Variants in PCNX2 observed in about 807,000 individuals in gnomAD.
The protein encoded by PCNX2 is pecanex 2.
PCNX2 carries 168 observed loss-of-function variants against 223.8 expected under a neutral mutation model. The observed-to-expected ratio is 0.75, with a 90% CI of 0.66 to 0.85. The LOEUF (loss-of-function observed/expected upper bound fraction) is 0.85. PCNX2 is among the 40% of genes least tolerant of loss of function. The pLI is 0.00. For missense variants in PCNX2, 2,507 were observed against 2,675.5 expected (o/e 0.94, Z 1.39); for synonymous variants, 1,006 against 1,052.6 (o/e 0.96, Z 0.86).
chr1:233,033,405 G>C (rs1231403416), intron 25 of PCNX2, among the ~76,000 whole-genome samples: 1 of 152,184 alleles, frequency 6.6e-6, no homozygotes, highest in African/African-American at 2.4e-5. Context: ...TTTACTAAAA[G>C]TGATCCACAG....
At position 233,262,957 on chromosome 1, in the gene PCNX2, C is replaced by A; in HGVS notation, c.359+1G>T. On this transcript the variant is annotated splice_donor_variant, in intron 2 of 33. Coordinates refer to ENST00000258229, the MANE Select transcript of PCNX2 (RefSeq NM_014801.4). LOFTEE classifies it high-confidence loss of function. ...AGTGTCACATTAATTGAAAATATTA[C>A]CTTGGATTTCTGTGATTAGTTATGT... is the stretch of plus-strand genomic sequence containing the variant. 1.2e-6 allele frequency: 2 copies of A among 1,611,672 alleles called. No homozygotes were observed. Among genetic ancestry groups the A allele is most frequent in the Non-Finnish European group, 1.7e-6 (2 of 1,178,570 alleles).
At chr1:233,261,201 T>G in intron 4 of PCNX2, 84 bp downstream of exon 4, 2 of 1,247,226 alleles carry the variant, frequency 1.6e-6, no homozygotes, top group South Asian at 1.2e-5. Context: ...TTTCAATTAA[T>G]CCACTGGCAT....
the PCNX2 span, among the ~76,000 whole-genome samples, chr1:233,313,780 C>G: frequency 6.6e-6 from 1 of 151,918 alleles, no homozygotes; most frequent in Non-Finnish European, 1.5e-5. Flanking sequence ...ATTAAATGAC[C>G]CAAACATAGG....
intron 10 of PCNX2, among the ~76,000 whole-genome samples, chr1:233,220,285 T>C (rs923221318): frequency 6.6e-6 from 1 of 152,264 alleles, no homozygotes; most frequent in African/African-American, 2.4e-5. Flanking sequence ...TTTCAACTCA[T>C]TTGGGTAAAC....
At chr1:233,266,519 A>T (rs1222163943) in intron 1 of PCNX2, among the ~76,000 whole-genome samples, 6 of 152,168 alleles carry the variant, frequency 3.9e-5, no homozygotes, top group Admixed American at 3.9e-4. Flanking sequence ...GACTGCAGAC[A>T]TCATCATACT....
intron 17 of PCNX2, among the ~76,000 whole-genome samples, chr1:233,165,737 A>C (rs1201598742): frequency 6.6e-6 from 1 of 152,186 alleles, no homozygotes. Context: ...AAATGGGGAG[A>C]TATACTGCAT....
chr1:233,078,598 C>G (rs1673206302), intron 23 of PCNX2, among the ~76,000 whole-genome samples: 1 of 152,212 alleles, frequency 6.6e-6, no homozygotes, highest in Non-Finnish European at 1.5e-5. Context: ...ATCCATCTAC[C>G]TGAATCACTC....
intron 28 of PCNX2, among the ~76,000 whole-genome samples, chr1:233,009,629 G>A (rs1490181235): frequency 6.6e-6 from 1 of 152,180 alleles, no homozygotes; most frequent in African/African-American, 2.4e-5. Flanking sequence ...CTGATGACCA[G>A]GGTTGGGCTG....
chr1:233,281,765 G>T (rs1472710828), intron 1 of PCNX2, among the ~76,000 whole-genome samples: 2 of 152,170 alleles, frequency 1.3e-5, no homozygotes, highest in Admixed American at 6.5e-5. Context: ...ACCTTGTGGT[G>T]AGTCTACTGA....
rs1011250534 is a variant in PCNX2, at chr1:233,000,199, G to A, written c.5328+106C>T. 35 of 1,105,996 alleles carry A rather than the reference G, an allele frequency of 3.2e-5. No homozygotes were observed. The highest frequency in any genetic ancestry group is 4.7e-5 in the Non-Finnish European group (34 of 727,906). 68.5% of individuals were successfully genotyped at this position (1,105,996 alleles called of 1,614,324 possible). The stretch of plus-strand genomic sequence containing the variant: ...ACATCCCTCTGAACAGAGGATGCTG[G>A]CACAGAGACTCCTGTGTCAGTGCCC... On this transcript the variant is annotated intron_variant, in intron 30 of 33. Coordinates refer to ENST00000258229, the MANE Select transcript of PCNX2 (RefSeq NM_014801.4). This position sits in a 1 kb window ranked among gnomAD's most constrained non-coding sequence, Gnocchi z 4.6.
intron 32 of PCNX2, among the ~76,000 whole-genome samples, chr1:232,994,425 A>G (rs959723124): frequency 6.6e-6 from 1 of 152,246 alleles, no homozygotes; most frequent in Admixed American, 6.5e-5. Flanking sequence ...CATTTACCCA[A>G]TGCTTGTTCC....
At chr1:233,054,516 G>A (rs1347662715) in intron 24 of PCNX2, 33 bp from the exon 25 acceptor site, 2 of 1,536,616 alleles carry the variant, frequency 1.3e-6, no homozygotes, top group African/African-American at 2.7e-5. Flanking sequence ...ATCAGTGAAT[G>A]CCTACTCCTT....
chr1:233,227,385 A>G lies in PCNX2; in HGVS notation c.2359-14T>C. 1 of 1,607,848 alleles carries G rather than the reference A, an allele frequency of 6.2e-7. No individual in the cohort carries two copies. ...CTGACTCACATGCTTTTAGATACCAAAAGAAACAACAGAAAAAAGGGCTTT... is the reference window on the plus strand; with the variant it reads ...CTGACTCACATGCTTTTAGATACCAGAAGAAACAACAGAAAAAAGGGCTTT... On this transcript the variant is annotated splice_polypyrimidine_tract_variant and intron_variant, in intron 9 of 33. Coordinates refer to ENST00000258229, the MANE Select transcript of PCNX2 (RefSeq NM_014801.4).
At chr1:233,131,559 T>C (rs1676509605) in intron 21 of PCNX2, among the ~76,000 whole-genome samples, 1 of 152,196 alleles carries the variant, frequency 6.6e-6, no homozygotes, top group Non-Finnish European at 1.5e-5. Flanking sequence ...TTCACTATAT[T>C]CTTTTTCATC....
intron 21 of PCNX2, among the ~76,000 whole-genome samples, chr1:233,129,584 G>A (rs765529810): frequency 1.3e-5 from 2 of 152,238 alleles, no homozygotes; most frequent in African/African-American, 4.8e-5. Flanking sequence ...CTAGGCTCCT[G>A]AGTCTAGTGG....
intron 28 of PCNX2, among the ~76,000 whole-genome samples, chr1:233,012,997 A>G (rs1378423456): frequency 6.6e-6 from 1 of 152,138 alleles, no homozygotes; most frequent in South Asian, 2.1e-4. Flanking sequence ...CCACATCACA[A>G]TGTTTTATGA....
At chr1:233,318,313 T>C in the PCNX2 span, among the ~76,000 whole-genome samples, 3 of 152,168 alleles carry the variant, frequency 2.0e-5, no homozygotes, top group Admixed American at 6.5e-5. Flanking sequence ...GGACTATTTT[T>C]CCTCACCCCT....
chr1:233,298,237 T>A (rs1238747200), upstream of PCNX2, among the ~76,000 whole-genome samples: 1 of 151,686 alleles, frequency 6.6e-6, no homozygotes, highest in African/African-American at 2.4e-5. Context: ...AGGAGGAAAA[T>A]AAGGTGAATC....
chr1:233,064,980 T>G (rs1402823718), intron 23 of PCNX2, among the ~76,000 whole-genome samples: 1 of 152,102 alleles, frequency 6.6e-6, no homozygotes, highest in Admixed American at 6.5e-5. Context: ...TCAAAGTAAT[T>G]AATTATTAAG....
Sources: allele counts gnomAD v4.1 joint callset (sites outside exome capture counted in the v4.1 genomes callset), GRCh38; gene constraint gnomAD v4.1.1; non-coding constraint Gnocchi (gnomAD v3.1); transcripts MANE v1.5; gene names NCBI Gene and HGNC (gene_info 2026-07-23, HGNC 2026-07-21).